ABCB1: variants seen among roughly 807,000 people sequenced by gnomAD.
ABCB1 encodes ATP-dependent translocase ABCB1.
Under a neutral mutation model 142.0 loss-of-function variants are expected in ABCB1, and 69 were observed. The observed-to-expected ratio is 0.49, with a 90% CI of 0.40 to 0.59. The LOEUF is 0.59. Among genes scored for constraint, ABCB1 ranks in the 20% least tolerant of loss-of-function variants. The pLI, the probability that ABCB1 is intolerant of heterozygous loss-of-function variation, is 0.00. For synonymous variants in ABCB1, 532 were observed against 539.2 expected (o/e 0.99, Z 0.18); for missense variants, 1,326 against 1,554.7 (o/e 0.85, Z 2.47).
intron 3 of ABCB1, among the ~76,000 whole-genome samples, chr7:87,594,423 C>T (rs147644385): frequency 1.9e-3 from 289 of 152,056 alleles, no homozygotes; most frequent in African/African-American, 6.3e-3. Context: ...TTCTTTTGTG[C>T]CTTAAAATGA....
At chr7:87,602,292 CTTTTTTTTT>C (rs59849542), upstream of ABCB1, among the ~76,000 whole-genome samples, 40 of 92,404 alleles carry the variant, frequency 4.3e-4, no homozygotes, top group African/African-American at 1.2e-3. Context: ...AGCTCGGCCT[CTTTTTTTTT>C]TTTTTTTTTT....
At chr7:87,571,236 C>A (rs1374918215) in intron 4 of ABCB1, among the ~76,000 whole-genome samples, 1 of 152,098 alleles carries the variant, frequency 6.6e-6, no homozygotes, top group East Asian at 1.9e-4. Context: ...AATGGGTAAG[C>A]CTGTTTTTGA....
intron 25 of ABCB1, 134 bp downstream of exon 25, chr7:87,515,097 G>C (rs4148749): frequency 0.034 from 40,259 of 1,169,926 alleles, 1,356 homozygotes; most frequent in East Asian, 0.15. Context: ...ACCATATTTA[G>C]GCTCTCAGAC....
At chr7:87,524,492 C>A (rs1433937787) in intron 21 of ABCB1, among the ~76,000 whole-genome samples, 1 of 151,966 alleles carries the variant, frequency 6.6e-6, no homozygotes, top group African/African-American at 2.4e-5. Flanking sequence ...GGACAAAAAA[C>A]CAAACACCGT....
upstream of ABCB1, among the ~76,000 whole-genome samples, chr7:87,601,905 A>T (rs1237557003): frequency 6.6e-6 from 1 of 151,990 alleles, no homozygotes; most frequent in Non-Finnish European, 1.5e-5. Context: ...CAAAGCCATA[A>T]TTTTTTTCTA....
At chr7:87,567,985 C>T (rs1817850439) in intron 5 of ABCB1, among the ~76,000 whole-genome samples, 1 of 151,776 alleles carries the variant, frequency 6.6e-6, no homozygotes, top group Non-Finnish European at 1.5e-5. Context: ...GTCCCAGCTA[C>T]TTGGTTACTT....
chr7:87,647,204 T>G (rs1051508334), intron 1 of ABCB1, among the ~76,000 whole-genome samples: 1 of 152,248 alleles, frequency 6.6e-6, no homozygotes, highest in African/African-American at 2.4e-5. Context: ...AAAGTGTACT[T>G]CTGGACCCAG....
chr7:87,566,961 G>A lies in ABCB1; in HGVS notation c.354C>T (p.Tyr118=), dbSNP rs776111183. 3.1e-6 allele frequency: 5 copies of A among 1,614,080 alleles called. No individual in the cohort carries two copies. The East Asian group carries it at 1.1e-4, about 36-fold the overall frequency. Residue 118 remains tyrosine (Y), a synonymous_variant, in exon 6 of 28, where the codon TAC becomes TAT. Coordinates refer to ENST00000622132, the MANE Select transcript of ABCB1 (RefSeq NM_001348946.2). ...CCAGCACCCCAGCACCAATTCCACT[G>A]TAATAATAGGCATACCTGAAAAACA... is the stretch of plus-strand genomic sequence containing the variant. ...EEDMTRYAYY[Y]SGIGAGVLVA... is the part of the protein sequence containing the mutation.
At chr7:87,709,956 G>T (rs986935207) in intron 1 of ABCB1, among the ~76,000 whole-genome samples, 1 of 152,032 alleles carries the variant, frequency 6.6e-6, no homozygotes, top group African/African-American at 2.4e-5. Context: ...AGAATATGCT[G>T]GCTTCTGTTT....
At chr7:87,536,603 G>A in intron 19 of ABCB1, 62 bp from the exon 20 acceptor site, 2 of 1,481,146 alleles carry the variant, frequency 1.4e-6, no homozygotes, top group Non-Finnish European at 1.9e-6. Context: ...AGCTCCAAGA[G>A]GGCAGCGATG....
chr7:87,662,781 CT>C (rs376499258), intron 1 of ABCB1, among the ~76,000 whole-genome samples: 23 of 151,998 alleles, frequency 1.5e-4, no homozygotes, highest in African/African-American at 5.3e-4. Context: ...TTTTCTATTT[CT>C]GTGAAAAATG....
At chr7:87,606,899 C>A (rs959019242) in intron 1 of ABCB1, among the ~76,000 whole-genome samples, 1 of 152,114 alleles carries the variant, frequency 6.6e-6, no homozygotes, top group African/African-American at 2.4e-5. Context: ...ATCTATCTCT[C>A]AGTGGAGTTT....
At chr7:87,693,260 G>C (rs1290635345) in intron 1 of ABCB1, among the ~76,000 whole-genome samples, 4 of 152,112 alleles carry the variant, frequency 2.6e-5, no homozygotes, top group African/African-American at 9.7e-5. Context: ...AAATAAAACA[G>C]TGTTTTTGAT....
intron 1 of ABCB1, among the ~76,000 whole-genome samples, chr7:87,623,866 C>T (rs1285029845): frequency 6.6e-6 from 1 of 152,058 alleles, no homozygotes; most frequent in Non-Finnish European, 1.5e-5. Flanking sequence ...AATAAAACAC[C>T]AATGTCCCTC....
intron 1 of ABCB1, among the ~76,000 whole-genome samples, chr7:87,660,399 T>A (rs2130444809): frequency 6.6e-6 from 1 of 152,256 alleles, no homozygotes; most frequent in South Asian, 2.1e-4. Flanking sequence ...CTCTAGTTAG[T>A]TGTAGTATTT....
At chr7:87,552,962 C>T (rs1299218961) in intron 9 of ABCB1, among the ~76,000 whole-genome samples, 1 of 152,162 alleles carries the variant, frequency 6.6e-6, no homozygotes, top group Admixed American at 6.5e-5. Context: ...AATGGCAAGA[C>T]TTCTGTGCTT....
intron 21 of ABCB1, among the ~76,000 whole-genome samples, chr7:87,526,332 T>C (rs1459773698): frequency 2.6e-5 from 4 of 152,056 alleles, no homozygotes; most frequent in Admixed American, 6.6e-5. Context: ...CTCTCTACCA[T>C]AGCATTAACA....
intron 2 of ABCB1, among the ~76,000 whole-genome samples, chr7:87,598,339 G>A (rs537646501): frequency 1.8e-4 from 28 of 152,168 alleles, no homozygotes; most frequent in Non-Finnish European, 3.4e-4. Flanking sequence ...AAATGTTTTT[G>A]CAGATATATT....
intron 1 of ABCB1, among the ~76,000 whole-genome samples, chr7:87,610,350 A>G (rs1441824497): frequency 8.3e-6 from 1 of 119,924 alleles, no homozygotes; most frequent in Non-Finnish European, 1.6e-5. Context: ...TGATCCTCCC[A>G]TCTTGGCCTC....
Sources: gnomAD v4.1 joint callset for allele counts (sites outside exome capture counted in the v4.1 genomes callset) on GRCh38, gnomAD v4.1.1 for gene constraint, MANE v1.5 for transcripts, NCBI Gene and HGNC (gene_info 2026-07-23, HGNC 2026-07-21) for gene names.